SLC16A7: variants seen among roughly 807,000 people sequenced by gnomAD.
SLC16A7 encodes solute carrier family 16 member 7, also known as monocarboxylate transporter 2.
A neutral mutation model predicts 34.9 loss-of-function variants in SLC16A7; 33 were observed. That is an observed-to-expected ratio of 0.94 (90% confidence interval 0.72 to 1.26). SLC16A7 has a LOEUF of 1.26. Among genes scored for constraint, SLC16A7 ranks in the 50% most tolerant of loss-of-function variants. The pLI, the probability that SLC16A7 is intolerant of heterozygous loss-of-function variation, is 0.00. For missense variants in SLC16A7, 573 were observed against 578.1 expected, an observed-to-expected ratio of 0.99 and a Z score of 0.09; for synonymous variants, 201 against 206.6, an observed-to-expected ratio of 0.97 and a Z score of 0.23.
Position 59,781,866 on chromosome 12 carries a change from G to A in SLC16A7, c.*2187G>A, listed in dbSNP as rs540200252. On this transcript the variant is annotated 3_prime_UTR_variant, in exon 6 of 6. Transcript: ENST00000547379. ...CATCAGATACCAGGGGGAAATAAAT[G>A]GCAAAGTAATAATCATGAGGTTTTA... The A allele has an allele frequency of 1.3e-5, 2 of 152,056 alleles. No individual in the cohort carries two copies. The highest frequency in any genetic ancestry group is 2.1e-4 in the South Asian group (1 of 4,830). 9.4% of individuals were successfully genotyped at this position (152,056 alleles called of 1,614,324 possible).
chr12:59,775,126 T>G lies in SLC16A7; in HGVS notation c.831T>G (p.Ile277Met). ...FLAPYAKDQG[I>M]DEYSAAFLLS... The stretch of plus-strand genomic sequence containing the variant: ...CTCCATATGCTAAAGACCAAGGAAT[T>G]GATGAGTACTCGGCAGCTTTTCTGC... Residue 277 changes from isoleucine to methionine, a missense_variant, in exon 5 of 6, where the codon ATT becomes ATG. Coordinates refer to ENST00000547379, the MANE Select transcript of SLC16A7 (RefSeq NM_001270623.2). 1 of 1,614,140 alleles carries G rather than the reference T, an allele frequency of 6.2e-7. No homozygotes were observed. The highest frequency in any genetic ancestry group is 8.5e-7 in the Non-Finnish European group (1 of 1,180,002).
Position 59,689,252 on chromosome 12 carries a change from T to TA in SLC16A7, c.-30-15519dup, listed in dbSNP as rs374090176. 210 of 152,162 alleles carry TA rather than the reference T, an allele frequency of 1.4e-3. 1 individual carries two copies. The highest frequency in any genetic ancestry group is 6.8e-3 in the Middle Eastern group (2 of 294). The allele number at this position is 152,162 out of a possible 1,614,324, so 9.4% of individuals were successfully genotyped here. A position where few individuals can be genotyped will look rare whatever the true frequency, so the allele number is the denominator to read the frequency against. ...TAGATTAGTTTTCCCATATTATGAT[T>TA]ACTCAAGTGAGCTAGGGGAAGGGGT... On this transcript the variant is annotated intron_variant, in intron 2 of 5. Transcript: ENST00000547379.
intron 1 of SLC16A7, among the ~76,000 whole-genome samples, chr12:59,647,339 A>T (rs1868265152): frequency 6.6e-6 from 1 of 152,048 alleles, no homozygotes; most frequent in South Asian, 2.1e-4. Context: ...AGTTCTTATG[A>T]GATCTGATGG....
chr12:59,774,598 C>A (rs1040894882), intron 4 of SLC16A7, 59 bp from the exon 5 acceptor site: 26 of 1,076,412 alleles, frequency 2.4e-5, no homozygotes, highest in African/African-American at 4.8e-5. Context: ...GGAGTAATTT[C>A]TTTTGTGAGT....
At chr12:59,713,232 C>T (rs1044314045) in intron 3 of SLC16A7, among the ~76,000 whole-genome samples, 15 of 152,018 alleles carry the variant, frequency 9.9e-5, no homozygotes, top group African/African-American at 2.7e-4. Flanking sequence ...GTTGGCCAGT[C>T]TGGTCTCAAG....
At chr12:59,686,104 T>C (rs922960476) in intron 2 of SLC16A7, among the ~76,000 whole-genome samples, 1 of 149,384 alleles carries the variant, frequency 6.7e-6, no homozygotes, top group African/African-American at 2.4e-5. Flanking sequence ...TCTTTTTTTT[T>C]TTTTTTTTTT....
chr12:59,660,068 T>G (rs985375744), intron 2 of SLC16A7, among the ~76,000 whole-genome samples: 2 of 152,068 alleles, frequency 1.3e-5, no homozygotes, highest in Non-Finnish European at 2.9e-5. Context: ...TATTTTGTGG[T>G]TTTTGTTTTT....
intron 1 of SLC16A7, among the ~76,000 whole-genome samples, chr12:59,628,592 T>C (rs369479787): frequency 6.6e-6 from 1 of 151,840 alleles, no homozygotes; most frequent in African/African-American, 2.4e-5. Flanking sequence ...TACTTATATG[T>C]CTGCCTCCCC....
At chr12:59,613,363 T>A (rs1357183778) in intron 1 of SLC16A7, among the ~76,000 whole-genome samples, 1 of 152,204 alleles carries the variant, frequency 6.6e-6, no homozygotes, top group Non-Finnish European at 1.5e-5. Context: ...AGGATTATGG[T>A]AACTGCAATT....
At chr12:59,605,936 T>G (rs1878918216) in intron 1 of SLC16A7, among the ~76,000 whole-genome samples, 1 of 152,202 alleles carries the variant, frequency 6.6e-6, no homozygotes, top group South Asian at 2.1e-4. Flanking sequence ...GTTTTCTCAT[T>G]TTGGAAATAA....
chr12:59,625,560 T>C (rs1008942786), intron 1 of SLC16A7, among the ~76,000 whole-genome samples: 1 of 151,838 alleles, frequency 6.6e-6, no homozygotes, highest in Admixed American at 6.6e-5. Context: ...CATCTGTGAA[T>C]GAGAATGCTG....
At chr12:59,760,626 T>A (rs1447767303) in intron 3 of SLC16A7, among the ~76,000 whole-genome samples, 1 of 152,124 alleles carries the variant, frequency 6.6e-6, no homozygotes, top group East Asian at 1.9e-4. Context: ...TTGCCTTTTT[T>A]CTTCTTGCAA....
chr12:59,702,369 A>C (rs1872990207), intron 2 of SLC16A7, among the ~76,000 whole-genome samples: 1 of 152,056 alleles, frequency 6.6e-6, no homozygotes, highest in Non-Finnish European at 1.5e-5. Context: ...AGATAGATAG[A>C]AGACAGAAAA....
At chr12:59,637,277 C>A (rs1482693984) in intron 1 of SLC16A7, among the ~76,000 whole-genome samples, 1 of 152,054 alleles carries the variant, frequency 6.6e-6, no homozygotes, top group African/African-American at 2.4e-5. Context: ...TCAAATCTGT[C>A]GTGTGCTGCC....
chr12:59,648,018 C>T (rs1211698819), intron 1 of SLC16A7, among the ~76,000 whole-genome samples: 1 of 152,144 alleles, frequency 6.6e-6, no homozygotes, highest in Non-Finnish European at 1.5e-5. Context: ...TGTGCCACTG[C>T]ACTCCAACCT....
rs200274162 is a variant in SLC16A7 at position 59,666,986 on chromosome 12, T to C, written c.-31+11736T>C. Among the ~76,000 whole-genome samples the C allele has an allele frequency of 2.0e-5, 3 of 152,278 alleles. No individual in the cohort carries two copies. In the East Asian group the frequency reaches 5.8e-4, roughly 29 times the overall value. ...AGAAAAAGAGGTTTAATTGGACTTA[T>C]AGTTCCACGTGGCTGGGGAGGCCTT... On this transcript the variant is annotated intron_variant, in intron 2 of 5. Coordinates refer to ENST00000547379, the MANE Select transcript of SLC16A7 (RefSeq NM_001270623.2).
chr12:59,610,590 T>C (rs1487672234), intron 1 of SLC16A7, among the ~76,000 whole-genome samples: 2 of 152,204 alleles, frequency 1.3e-5, no homozygotes, highest in African/African-American at 4.8e-5. Flanking sequence ...TTCATTAGAA[T>C]ACCAGAACTT....
At chr12:59,700,254 G>T (rs1053018955) in intron 2 of SLC16A7, among the ~76,000 whole-genome samples, 5 of 151,620 alleles carry the variant, frequency 3.3e-5, no homozygotes, top group Admixed American at 6.6e-5. Context: ...ATGTGCAGCG[G>T]TTCAGCATTT....
rs1883274870 is a variant in SLC16A7 at position 59,781,892 on chromosome 12, G to A, written c.*2213G>A. On this transcript the variant is annotated 3_prime_UTR_variant, in exon 6 of 6. Coordinates refer to ENST00000547379, the MANE Select transcript of SLC16A7 (RefSeq NM_001270623.2). ...GCAAAGTAATAATCATGAGGTTTTA[G>A]GTCAAAGACTACATTATATATATTT... is the stretch of plus-strand genomic sequence containing the variant. 1 of 151,620 alleles carries A rather than the reference G, an allele frequency of 6.6e-6. No individual in the cohort carries two copies. The highest frequency in any genetic ancestry group is 2.1e-4 in the South Asian group (1 of 4,736). The allele number at this position is 151,620 out of a possible 1,614,324, so 9.4% of individuals were successfully genotyped here.
Sources: gnomAD v4.1 joint callset for allele counts (sites outside exome capture counted in the v4.1 genomes callset) on GRCh38, gnomAD v4.1.1 for gene constraint, MANE v1.5 for transcripts, NCBI Gene and HGNC (gene_info 2026-07-23, HGNC 2026-07-21) for gene names.